DPP10: variants seen among roughly 807,000 people sequenced by gnomAD.
The protein encoded by DPP10 is inactive dipeptidyl peptidase 10.
A neutral mutation model predicts 120.9 loss-of-function variants in DPP10; 33 were observed. The observed-to-expected ratio is 0.27, with a 90% CI of 0.21 to 0.37. The LOEUF is 0.37. Among genes scored for constraint, DPP10 ranks in the 10% least tolerant of loss-of-function variants. The probability of loss-of-function intolerance (pLI) is 1.00; values close to 1 mark genes in which losing one functional copy is unlikely to be tolerated. For missense variants in DPP10, 816 were observed against 942.8 expected (o/e 0.87, Z 1.76); for synonymous variants, 337 against 326.1 (o/e 1.03, Z -0.36).
chr2:115,235,829 G>A (rs1171533174), intron 1 of DPP10, among the ~76,000 whole-genome samples: 2 of 152,116 alleles, frequency 1.3e-5, no homozygotes, highest in Admixed American at 6.5e-5. Context: ...CGAAAGTGCT[G>A]GGAATACAGA....
intron 19 of DPP10, among the ~76,000 whole-genome samples, chr2:115,794,147 A>G (rs1440900817): frequency 6.6e-6 from 1 of 152,204 alleles, no homozygotes. Flanking sequence ...TATTTAAATG[A>G]GTCTAAGAGG....
At chr2:115,408,565 C>T (rs1406533107) in intron 3 of DPP10, among the ~76,000 whole-genome samples, 1 of 152,040 alleles carries the variant, frequency 6.6e-6, no homozygotes, top group African/African-American at 2.4e-5. Flanking sequence ...GGACCATATG[C>T]TAAGCATTAA....
At chr2:115,482,040 CA>C (rs2075463559) in intron 3 of DPP10, among the ~76,000 whole-genome samples, 2 of 151,912 alleles carry the variant, frequency 1.3e-5, no homozygotes, top group South Asian at 4.1e-4. Flanking sequence ...AGGCAAATGG[CA>C]CATTGTTTTG....
chr2:114,914,666 C>T (rs1434335744), intron 1 of DPP10, among the ~76,000 whole-genome samples: 1 of 152,152 alleles, frequency 6.6e-6, no homozygotes, highest in African/African-American at 2.4e-5. Flanking sequence ...AACCAGCTAG[C>T]AACAGAAAGA....
At chr2:115,375,876 A>G (rs544712813) in intron 3 of DPP10, among the ~76,000 whole-genome samples, 1 of 152,334 alleles carries the variant, frequency 6.6e-6, no homozygotes, top group Admixed American at 6.5e-5. Context: ...CACACCCATG[A>G]TCCAGTCACC....
chr2:115,590,115 TC>T (rs1176536681), intron 5 of DPP10, among the ~76,000 whole-genome samples: 1 of 138,382 alleles, frequency 7.2e-6, no homozygotes, highest in East Asian at 2.2e-4. Context: ...GCTTTCCTTT[TC>T]TTTTTTTTTT....
intron 2 of DPP10, among the ~76,000 whole-genome samples, chr2:115,332,428 G>T (rs1341274898): frequency 5.3e-5 from 8 of 152,178 alleles, no homozygotes; most frequent in African/African-American, 1.7e-4. Context: ...GTCTCCTTCA[G>T]TTCTGCTCTG....
chr2:115,600,695 A>G (rs1430153378), intron 5 of DPP10, among the ~76,000 whole-genome samples: 1 of 152,220 alleles, frequency 6.6e-6, no homozygotes, highest in Non-Finnish European at 1.5e-5. Context: ...GCACCTTTGA[A>G]GTTGACATTT....
At chr2:114,529,563 T>C (rs564922423) in intron 1 of DPP10, among the ~76,000 whole-genome samples, 1 of 152,312 alleles carries the variant, frequency 6.6e-6, no homozygotes, top group African/African-American at 2.4e-5. Flanking sequence ...GAAATTGCCA[T>C]GGGACCTCCA....
chr2:115,237,182 A>G (rs900960899), intron 1 of DPP10, among the ~76,000 whole-genome samples: 1 of 152,068 alleles, frequency 6.6e-6, no homozygotes, highest in African/African-American at 2.4e-5. Flanking sequence ...TTGCAGCAGT[A>G]TATGCCTAAT....
intron 1 of DPP10, among the ~76,000 whole-genome samples, chr2:115,213,645 T>A (rs949981623): frequency 2.6e-5 from 4 of 152,192 alleles, no homozygotes; most frequent in Non-Finnish European, 5.9e-5. Flanking sequence ...TAATTTCTTG[T>A]GATCATTCCT....
intron 12 of DPP10, among the ~76,000 whole-genome samples, chr2:115,766,284 A>ATGTGTGTGTGTGTGTG (rs1367029368): frequency 4.0e-5 from 2 of 50,224 alleles, no homozygotes; most frequent in East Asian, 8.5e-4. Context: ...CTCATTATAT[A>ATGTGTGTGTGTGTGTG]TATGTGTGTG....
intron 7 of DPP10, among the ~76,000 whole-genome samples, chr2:115,723,328 C>T (rs915370255): frequency 6.6e-6 from 1 of 152,084 alleles, no homozygotes; most frequent in African/African-American, 2.4e-5. Context: ...GTTGTTTTTG[C>T]TTTTCTTTGG....
chr2:115,712,543 A>AT (rs56675119), intron 7 of DPP10, among the ~76,000 whole-genome samples: 674 of 64,288 alleles, frequency 0.01, 149 homozygotes, highest in South Asian at 0.074. Flanking sequence ...TCCTGAATTA[A>AT]ATATATATAT....
intron 19 of DPP10, among the ~76,000 whole-genome samples, chr2:115,792,278 C>A (rs543337454): frequency 6.6e-6 from 1 of 152,162 alleles, no homozygotes; most frequent in Admixed American, 6.5e-5. Context: ...GCTTTGTAGA[C>A]TGAGTGAAAT....
intron 1 of DPP10, among the ~76,000 whole-genome samples, chr2:114,462,497 G>T (rs1163036410): frequency 1.3e-5 from 2 of 152,162 alleles, no homozygotes; most frequent in Non-Finnish European, 2.9e-5. Context: ...TTTGTAGGAT[G>T]TGACTCAAGT....
At chr2:114,625,327 C>A (rs570416143) in intron 1 of DPP10, among the ~76,000 whole-genome samples, 14 of 151,876 alleles carry the variant, frequency 9.2e-5, no homozygotes, top group African/African-American at 3.1e-4. Context: ...TTGGTTAGAT[C>A]TAGAGGTAGG....
chr2:114,706,943 A>C (rs1221037714), intron 1 of DPP10, among the ~76,000 whole-genome samples: 1 of 152,144 alleles, frequency 6.6e-6, no homozygotes, highest in African/African-American at 2.4e-5. Context: ...ATAAGAAATA[A>C]ATAATTTTTC....
intron 3 of DPP10, among the ~76,000 whole-genome samples, chr2:115,368,257 A>G (rs1430889452): frequency 6.6e-6 from 1 of 152,114 alleles, no homozygotes; most frequent in African/African-American, 2.4e-5. Context: ...GGGGACAGGA[A>G]GTCTACAGTG....
Sources: gnomAD v4.1 joint callset for allele counts (sites outside exome capture counted in the v4.1 genomes callset) on GRCh38, gnomAD v4.1.1 for gene constraint, MANE v1.5 for transcripts, NCBI Gene and HGNC (gene_info 2026-07-23, HGNC 2026-07-21) for gene names.